Variants in AKAP19 observed in about 807,000 individuals in gnomAD.
AKAP19 encodes the protein small A-kinase anchoring protein.
the AKAP19 span, among the ~76,000 whole-genome samples, chr2:189,927,972 T>A: frequency 6.6e-6 from 1 of 152,214 alleles, no homozygotes; most frequent in Non-Finnish European, 1.5e-5. Context: ...GTCCCATTAA[T>A]GTCTTTTGTA....
At chr2:189,974,778 T>C in the AKAP19 span, among the ~76,000 whole-genome samples, 1 of 152,200 alleles carries the variant, frequency 6.6e-6, no homozygotes, top group Non-Finnish European at 1.5e-5. Context: ...TTAAAGTCTG[T>C]TTTATCAGAG....
chr2:190,005,261 GC>G, the AKAP19 span, among the ~76,000 whole-genome samples: 1 of 152,186 alleles, frequency 6.6e-6, no homozygotes, highest in South Asian at 2.1e-4. Context: ...CAGGTGGCCA[GC>G]TTTTATTCCC....
the AKAP19 span, chr2:190,189,779 C>T: frequency 6.6e-6 from 1 of 152,204 alleles, no homozygotes; most frequent in Non-Finnish European, 1.5e-5. Context: ...CATTCTAAAT[C>T]AAAGCACTCT....
chr2:189,911,445 T>G, the AKAP19 span, among the ~76,000 whole-genome samples: 1 of 152,106 alleles, frequency 6.6e-6, no homozygotes, highest in Non-Finnish European at 1.5e-5. Flanking sequence ...CTGTAATTTA[T>G]TATTTGATAA....
the AKAP19 span, among the ~76,000 whole-genome samples, chr2:190,055,304 G>A: frequency 8.3e-6 from 1 of 120,714 alleles, no homozygotes; most frequent in Non-Finnish European, 1.6e-5. Flanking sequence ...ACAGGAAGGG[G>A]AACATCACAC....
At chr2:190,174,173 C>T in the AKAP19 span, among the ~76,000 whole-genome samples, 1 of 152,186 alleles carries the variant, frequency 6.6e-6, no homozygotes, top group Non-Finnish European at 1.5e-5. Context: ...AGGAATAAGA[C>T]CCCCTTCCCC....
chr2:190,063,851 T>C, the AKAP19 span, among the ~76,000 whole-genome samples: 4 of 152,082 alleles, frequency 2.6e-5, no homozygotes, highest in African/African-American at 9.7e-5. Flanking sequence ...CGTTCAACCT[T>C]AGCTTTGGGA....
the AKAP19 span, among the ~76,000 whole-genome samples, chr2:189,946,614 CAT>C: frequency 6.6e-6 from 1 of 152,124 alleles, no homozygotes; most frequent in Non-Finnish European, 1.5e-5. Context: ...GCCATTAAAA[CAT>C]TTTTAGTCCC....
chr2:190,024,657 T>A, the AKAP19 span, among the ~76,000 whole-genome samples: 1 of 152,186 alleles, frequency 6.6e-6, no homozygotes, highest in South Asian at 2.1e-4. Context: ...GAAACCCTGA[T>A]TGGGTACTTG....
the AKAP19 span, among the ~76,000 whole-genome samples, chr2:189,902,234 G>C: frequency 6.6e-6 from 1 of 151,858 alleles, no homozygotes; most frequent in Non-Finnish European, 1.5e-5. Flanking sequence ...GTAGCTATCT[G>C]ATGAGATTCT....
At chr2:190,023,425 A>AG in the AKAP19 span, among the ~76,000 whole-genome samples, 4 of 152,110 alleles carry the variant, frequency 2.6e-5, no homozygotes, top group African/African-American at 4.8e-5. Flanking sequence ...AAATAAAAGC[A>AG]TATTATGGTG....
chr2:189,883,508 T>C, the AKAP19 span, among the ~76,000 whole-genome samples: 1 of 66,208 alleles, frequency 1.5e-5, no homozygotes, highest in Non-Finnish European at 2.7e-5. Flanking sequence ...TTTCTTCCTG[T>C]TTTTTTTTTT....
chr2:190,000,796 T>C, the AKAP19 span, among the ~76,000 whole-genome samples: 5 of 152,356 alleles, frequency 3.3e-5, no homozygotes, highest in African/African-American at 4.8e-5. Flanking sequence ...TCTTGTTGCT[T>C]TCAAGACTTT....
At chr2:189,974,177 G>A in the AKAP19 span, among the ~76,000 whole-genome samples, 1 of 151,962 alleles carries the variant, frequency 6.6e-6, no homozygotes, top group Non-Finnish European at 1.5e-5. Flanking sequence ...CTGGTATGTT[G>A]TGTCTTTGTT....
At chr2:189,917,420 A>T in the AKAP19 span, 2 of 813,010 alleles carry the variant, frequency 2.5e-6, no homozygotes, top group Non-Finnish European at 4.1e-6. Context: ...TTCTTCTCAA[A>T]ACCATGTCTG....
At chr2:189,892,045 G>A in the AKAP19 span, among the ~76,000 whole-genome samples, 1 of 151,562 alleles carries the variant, frequency 6.6e-6, no homozygotes, top group African/African-American at 2.4e-5. Flanking sequence ...ACTTGTGTAT[G>A]CTTCACGAAG....
the AKAP19 span, chr2:190,060,194 G>A: frequency 6.2e-7 from 1 of 1,613,024 alleles, no homozygotes; most frequent in Non-Finnish European, 8.5e-7. Context: ...TCACATCAAT[G>A]CTCTGCCAAA....
At chr2:189,997,786 T>C in the AKAP19 span, among the ~76,000 whole-genome samples, 1 of 152,198 alleles carries the variant, frequency 6.6e-6, no homozygotes, top group Non-Finnish European at 1.5e-5. Context: ...TCTGCAGCAG[T>C]TCCTGTTTGC....
chr2:190,148,046 G>A, the AKAP19 span, among the ~76,000 whole-genome samples: 1 of 152,080 alleles, frequency 6.6e-6, no homozygotes, highest in Non-Finnish European at 1.5e-5. Context: ...GTACTGTGTT[G>A]AAGACGAGTG....
Sources: gnomAD v4.1 joint callset for allele counts (sites outside exome capture counted in the v4.1 genomes callset) on GRCh38, gnomAD v4.1.1 for gene constraint, MANE v1.5 for transcripts, NCBI Gene and HGNC (gene_info 2026-07-23, HGNC 2026-07-21) for gene names.